The following PTK2 variants were observed in gnomAD, a reference collection of about 807,000 sequenced individuals.
The protein encoded by PTK2 is protein tyrosine kinase 2, also known as focal adhesion kinase 1.
In PTK2, 45 loss-of-function variants were observed where a neutral mutation model predicts 150.1. That is an observed-to-expected ratio of 0.30 (90% CI 0.24 to 0.38). The LOEUF (loss-of-function observed/expected upper bound fraction) is 0.38. PTK2 is among the 10% of genes least tolerant of loss of function. PTK2 has a pLI of 1.00. For synonymous variants in PTK2, 432 were observed against 449.2 expected, an observed-to-expected ratio of 0.96 and a Z score of 0.48; for missense variants, 919 against 1,307.3, an observed-to-expected ratio of 0.70 and a Z score of 4.58.
intron 31 of PTK2, chr8:140,663,072 G>C (rs1040873864): frequency 3.7e-6 from 1 of 269,198 alleles, no homozygotes; most frequent in Non-Finnish European, 6.9e-6. Context: ...GAGTGGGACA[G>C]TGCATTACAT....
chr8:140,686,929 C>G, intron 26 of PTK2: 1 of 510,390 alleles, frequency 2.0e-6, no homozygotes, highest in Non-Finnish European at 3.5e-6. Flanking sequence ...CACTGGCCCA[C>G]CCAGTGCTGG....
At chr8:140,868,963 ATTATT>A (rs1297523672) in intron 4 of PTK2, among the ~76,000 whole-genome samples, 1 of 152,194 alleles carries the variant, frequency 6.6e-6, no homozygotes, top group Non-Finnish European at 1.5e-5. Flanking sequence ...TACTAGCTAT[ATTATT>A]TAAGATTTTA....
At chr8:140,803,363 C>T (rs1596259989) in intron 11 of PTK2, among the ~76,000 whole-genome samples, 180 bp downstream of exon 11, 1 of 152,060 alleles carries the variant, frequency 6.6e-6, no homozygotes, top group East Asian at 1.9e-4. Context: ...AAATCTGTCT[C>T]CTGTCCTATT....
At chr8:140,821,988 A>G (rs2100108873) in intron 8 of PTK2, 1 of 152,234 alleles carries the variant, frequency 6.6e-6, no homozygotes, top group African/African-American at 2.4e-5. Context: ...TTCTCTGCTT[A>G]TGATCACCTA....
At chr8:140,864,281 CAAA>C (rs1489545327) in intron 5 of PTK2, 28 bp downstream of exon 5, 2 of 1,285,516 alleles carry the variant, frequency 1.6e-6, no homozygotes, top group Admixed American at 5.3e-5. Context: ...AAGAAACAAA[CAAA>C]AAAGTATATG....
chr8:140,687,151 G>A (rs1201466290), intron 26 of PTK2: 1 of 160,176 alleles, frequency 6.2e-6, no homozygotes, highest in African/African-American at 2.4e-5. Context: ...AAACCAAACA[G>A]AGAAATCTAG....
At chr8:140,749,828 C>G (rs189490616) in intron 17 of PTK2, among the ~76,000 whole-genome samples, 1 of 152,274 alleles carries the variant, frequency 6.6e-6, no homozygotes, top group Non-Finnish European at 1.5e-5. Flanking sequence ...TGAGTAACCT[C>G]TCAGAGAAGA....
chr8:140,990,265 C>T (rs1005449218), intron 1 of PTK2, among the ~76,000 whole-genome samples: 1 of 151,346 alleles, frequency 6.6e-6, no homozygotes, highest in African/African-American at 2.4e-5. Flanking sequence ...GACAGGGTCT[C>T]CCTCTGTCAC....
intron 5 of PTK2, among the ~76,000 whole-genome samples, chr8:140,862,527 T>C (rs922666185): frequency 5.3e-5 from 8 of 152,174 alleles, no homozygotes; most frequent in Non-Finnish European, 1.2e-4. Flanking sequence ...CTCTGTATTA[T>C]CGTAAACCCT....
At chr8:140,775,614 G>T (rs975762660) in intron 14 of PTK2, among the ~76,000 whole-genome samples, 6 of 152,012 alleles carry the variant, frequency 3.9e-5, no homozygotes, top group South Asian at 4.1e-4. Flanking sequence ...GAAGTGCTGG[G>T]ACTATAGGTG....
chr8:140,921,549 CTATGTCT>C (rs2100167459), intron 2 of PTK2, among the ~76,000 whole-genome samples: 3 of 152,142 alleles, frequency 2.0e-5, no homozygotes, highest in Admixed American at 2.0e-4. Flanking sequence ...CCTGATCTAT[CTATGTCT>C]CTATGTCTAT....
At chr8:140,829,135 G>A (rs4961297) in intron 8 of PTK2, among the ~76,000 whole-genome samples, 88,337 of 152,122 alleles carry the variant, frequency 0.58, 27,281 homozygotes, top group African/African-American at 0.79. Context: ...TCACTAGAAA[G>A]AGAGCCTGAA....
rs561063022 is a variant in PTK2 at position 140,739,780 on chromosome 8, C to T, written c.1736-673G>A. ...CTGAGCTGCTGGCTCTGCCCTGTGC[C>T]GTCCCCTCCCAGCCCTGACCCTGTC... On this transcript the variant is annotated intron_variant, in intron 20 of 31. Coordinates refer to ENST00000522684, the Ensembl canonical transcript of PTK2. Among the ~76,000 whole-genome samples the T allele has an allele frequency of 8.5e-5, 13 of 152,234 alleles. 1 individual carries two copies. The highest frequency in any genetic ancestry group is 2.9e-4 in the African/African-American group (12 of 41,536).
intron 10 of PTK2, among the ~76,000 whole-genome samples, chr8:140,816,809 C>T (rs187839580): frequency 6.6e-6 from 1 of 152,288 alleles, no homozygotes; most frequent in African/African-American, 2.4e-5. Context: ...AAACTGCCAT[C>T]CAATGAGTGC....
chr8:140,689,175 C>T (rs951107262), intron 26 of PTK2, among the ~76,000 whole-genome samples: 11 of 152,182 alleles, frequency 7.2e-5, no homozygotes, highest in Admixed American at 5.2e-4. Context: ...GGTCCTATTC[C>T]ATGTAGCAGA....
chr8:140,967,726 G>A (rs1479091093), intron 1 of PTK2, among the ~76,000 whole-genome samples: 4 of 152,098 alleles, frequency 2.6e-5, no homozygotes, highest in Admixed American at 2.6e-4. Context: ...CCAAAGTGCT[G>A]GGATTACAGA....
intron 27 of PTK2, among the ~76,000 whole-genome samples, chr8:140,679,008 T>TG (rs2100015537): frequency 1.5e-4 from 2 of 13,172 alleles, no homozygotes; most frequent in South Asian, 6.2e-3. Flanking sequence ...CCCATGTTTT[T>TG]TTTTTTTTTT....
chr8:140,754,141 C>T (rs1259398380), intron 16 of PTK2, among the ~76,000 whole-genome samples: 1 of 152,190 alleles, frequency 6.6e-6, no homozygotes, highest in East Asian at 1.9e-4. Flanking sequence ...GGACTGCATT[C>T]CCTTTCTTCA....
intron 2 of PTK2, among the ~76,000 whole-genome samples, chr8:140,924,469 G>A (rs1200618186): frequency 6.6e-6 from 1 of 152,110 alleles, no homozygotes; most frequent in Non-Finnish European, 1.5e-5. Flanking sequence ...TGTCTCCAGG[G>A]CCTTACTGAA....
Sources: allele counts gnomAD v4.1 joint callset (sites outside exome capture counted in the v4.1 genomes callset), GRCh38; gene constraint gnomAD v4.1.1; transcripts MANE v1.5; gene names NCBI Gene and HGNC (gene_info 2026-07-23, HGNC 2026-07-21).